TRIM41: variants seen among roughly 807,000 people sequenced by gnomAD.
TRIM41 encodes the protein E3 ubiquitin-protein ligase TRIM41.
In TRIM41, 21 loss-of-function variants were observed where a neutral mutation model predicts 60.6. That is an observed-to-expected ratio of 0.35 (90% CI 0.25 to 0.50). TRIM41 has a LOEUF of 0.50. Among genes scored for constraint, TRIM41 ranks in the 20% least tolerant of loss-of-function variants. The pLI is 0.98. For missense variants in TRIM41, 846 were observed against 868.3 expected, an observed-to-expected ratio of 0.97 and a Z score of 0.32; for synonymous variants, 407 against 344.9, an observed-to-expected ratio of 1.18 and a Z score of -2.00.
Position 181,223,601 on chromosome 5 carries a change from G to A in TRIM41, c.-399G>A. 2.2e-6 allele frequency: 1 copy of A among 459,356 alleles called. No individual in the cohort carries two copies. The highest frequency in any genetic ancestry group is 3.8e-6 in the Non-Finnish European group (1 of 261,132). The allele number at this position is 459,356 out of a possible 1,614,324, so 28.5% of individuals were successfully genotyped here. On this transcript the variant is annotated 5_prime_UTR_variant, in exon 1 of 6. Coordinates refer to ENST00000315073, the MANE Select transcript of TRIM41 (RefSeq NM_033549.5). ...CCGCGGGGAAAAAGGGGGAGTAGCA[G>A]GACAGCGGAGGGAAGTCGCGAGCTT...
chr5:181,234,266 G>A lies in TRIM41; in HGVS notation c.1384G>A (p.Val462Ile). ...GVRLAERRQE[V>I]ADHPKRFSAD... ...CCGCCTGGCAGAGCGGCGGCAGGAGGTTGCTGACCATCCCAAGCGCTTCTC... is the reference window on the plus strand; with the variant it reads ...CCGCCTGGCAGAGCGGCGGCAGGAGATTGCTGACCATCCCAAGCGCTTCTC... Residue 462 changes from valine to isoleucine, a missense_variant, in exon 6 of 6, where the codon GTT becomes ATT. By Grantham distance (29) the Val-to-Ile change is conservative. Coordinates refer to ENST00000315073, the MANE Select transcript of TRIM41 (RefSeq NM_033549.5). The surrounding 1 kb of genome is among the most constrained non-coding windows in gnomAD (Gnocchi z 5.6). 6.2e-7 allele frequency: 1 copy of A among 1,613,120 alleles called. No homozygotes were observed. Among genetic ancestry groups the A allele is most frequent in the Non-Finnish European group, 8.5e-7 (1 of 1,179,924 alleles).
In TRIM41 at chr5:181,234,233, C is replaced by T. The variant is rs772110248; in HGVS notation, c.1351C>T (p.Arg451Trp). ...GGCCCTGATGCTGTCCCCTGACCGC[C>T]GGGGGGTCCGCCTGGCAGAGCGGCG... ...HPALMLSPDRRGVRLAERRQE... is the reference protein window; with the variant it reads ...HPALMLSPDRWGVRLAERRQE... Residue 451 changes from arginine (R) to tryptophan (W), a missense_variant, in exon 6 of 6, where the codon CGG becomes TGG. Physicochemically the swap from Arg to Trp is moderately radical, Grantham distance 101. Transcript: ENST00000315073. This position sits in a 1 kb window ranked among gnomAD's most constrained non-coding sequence, Gnocchi z 5.6. The T allele has an allele frequency of 1.6e-5, 26 of 1,613,246 alleles. No homozygotes were observed. The highest frequency in any genetic ancestry group is 2.2e-5 in the East Asian group (1 of 44,896).
rs1360321153 is a variant in TRIM41 at position 181,234,698 on chromosome 5, G to A, written c.1816G>A (p.Ala606Thr). 1.9e-6 allele frequency: 3 copies of A among 1,614,206 alleles called. No individual in the cohort carries two copies. Among genetic ancestry groups the A allele is most frequent in the Non-Finnish European group, 2.5e-6 (3 of 1,180,036 alleles). ...TCTAGCCCACGTGCACACCTTCTCG[G>A]CTGCCTTCCTGGGCGAGCGTGTCTT... ...ETLAHVHTFS[A>T]AFLGERVFPF... The change falls in exon 6 of 6, where the codon GCT (alanine) becomes ACT (threonine). Residue 606 changes from alanine to threonine, a missense_variant. Physicochemically the swap from Ala to Thr is moderately conservative, Grantham distance 58. Coordinates refer to ENST00000315073, the MANE Select transcript of TRIM41 (RefSeq NM_033549.5). The surrounding 1 kb of genome is among the most constrained non-coding windows in gnomAD (Gnocchi z 5.6).
Position 181,234,034 on chromosome 5 carries a change from C to A in TRIM41, c.1292-140C>A. 1 of 1,436,922 alleles carries A rather than the reference C, an allele frequency of 7.0e-7. No homozygotes were observed. Among genetic ancestry groups the A allele is most frequent in the Non-Finnish European group, 9.6e-7 (1 of 1,044,292 alleles). The allele number at this position is 1,436,922 out of a possible 1,614,324, so 89.0% of individuals were successfully genotyped here. A position where few individuals can be genotyped will look rare whatever the true frequency, so the allele number is the denominator to read the frequency against. On this transcript the variant is annotated intron_variant, in intron 5 of 5. Transcript: ENST00000315073. The surrounding 1 kb of genome is among the most constrained non-coding windows in gnomAD (Gnocchi z 5.6). ...AACAAGAGTGAGGAGCAAGATGAGCCTGCAGGAATCTGAGGCTGGCCTCTG... is the reference window on the plus strand; with the variant it reads ...AACAAGAGTGAGGAGCAAGATGAGCATGCAGGAATCTGAGGCTGGCCTCTG...
At chr5:181,230,549 G>A (rs903858535) in intron 1 of TRIM41, 195 bp from the exon 2 acceptor site, 7 of 352,272 alleles carry the variant, frequency 2.0e-5, no homozygotes, top group African/African-American at 1.1e-4. Context: ...TTCTGCAGAC[G>A]TGCACAGAGG....
intron 1 of TRIM41, chr5:181,230,515 A>AAAAAAAAAC (rs1758748435): frequency 4.2e-6 from 1 of 239,994 alleles, no homozygotes. Flanking sequence ...AAAAAAAAAA[A>AAAAAAAAAC]AAAAAAAAAA....
At position 181,233,633 on chromosome 5, in the gene TRIM41, C is replaced by T. The variant is rs1183750518; in HGVS notation, c.1164-3C>T. Reference sequence around the variant, plus strand: ...CACCCCCTGCCCGGTCCCCTTCCTCCAGGTGTGAAGAGGTACAGCTGCAGC... The same window carrying T: ...CACCCCCTGCCCGGTCCCCTTCCTCTAGGTGTGAAGAGGTACAGCTGCAGC... On this transcript the variant is annotated splice_region_variant and splice_polypyrimidine_tract_variant and intron_variant, in intron 4 of 5. Transcript: ENST00000315073. The surrounding 1 kb of genome is among the most constrained non-coding windows in gnomAD (Gnocchi z 4.1). 2 of 1,613,874 alleles carry T rather than the reference C, an allele frequency of 1.2e-6. No homozygotes were observed. Among genetic ancestry groups the T allele is most frequent in the African/African-American group, 2.7e-5 (2 of 74,910 alleles).
At chr5:181,231,000 C>T (rs2113173029) in intron 2 of TRIM41, 161 bp downstream of exon 2, 2 of 568,118 alleles carry the variant, frequency 3.5e-6, no homozygotes, top group Non-Finnish European at 6.5e-6. Flanking sequence ...AGAGCGGGGC[C>T]TTAGAGAATC....
At chr5:181,231,358 C>A (rs1582278544) in intron 2 of TRIM41, 1 of 152,242 alleles carries the variant, frequency 6.6e-6, no homozygotes, top group African/African-American at 2.5e-5. Context: ...ACCCCGACCC[C>A]CCCGCTTTTT....
In TRIM41 at chr5:181,234,646, G is replaced by A. The variant is rs775613344; in HGVS notation, c.1764G>A (p.Gly588=). 3 of 1,614,256 alleles carry A rather than the reference G, an allele frequency of 1.9e-6. No individual in the cohort carries two copies. The highest frequency in any genetic ancestry group is 2.5e-6 in the Non-Finnish European group (3 of 1,180,052). ...RFGVYLDYEA[G]RLGFYNAETL... ...GTGTGTACCTGGACTATGAAGCTGG[G>A]CGCCTGGGCTTCTACAACGCAGAGA... The change falls in exon 6 of 6, where the codon GGG becomes GGA. Residue 588 remains glycine (G), a synonymous_variant. Transcript: ENST00000315073. The surrounding 1 kb of genome is among the most constrained non-coding windows in gnomAD (Gnocchi z 5.6).
chr5:181,234,072 G>C lies in TRIM41; in HGVS notation c.1292-102G>C. 2 of 1,577,274 alleles carry C rather than the reference G, an allele frequency of 1.3e-6. No individual in the cohort carries two copies. The highest frequency in any genetic ancestry group is 1.7e-6 in the Non-Finnish European group (2 of 1,161,658). On this transcript the variant is annotated intron_variant, in intron 5 of 5. Coordinates refer to ENST00000315073, the MANE Select transcript of TRIM41 (RefSeq NM_033549.5). This position sits in a 1 kb window ranked among gnomAD's most constrained non-coding sequence, Gnocchi z 5.6. Reference sequence around the variant, plus strand: ...AGGCTGGCCTCTGGGATGGTGTGGGGAGCTGGATTCAGGGAGAAAGGGGGC... The same window carrying C: ...AGGCTGGCCTCTGGGATGGTGTGGGCAGCTGGATTCAGGGAGAAAGGGGGC...
intron 1 of TRIM41, chr5:181,228,970 A>C (rs1223671817): frequency 1.3e-5 from 2 of 151,444 alleles, no homozygotes; most frequent in East Asian, 3.9e-4. Context: ...AGTAAATGGT[A>C]AATTTAAGCG....
chr5:181,229,689 C>T (rs1561670692), intron 1 of TRIM41: 2 of 152,120 alleles, frequency 1.3e-5, no homozygotes, highest in Non-Finnish European at 1.5e-5. Context: ...GCAGGGACTC[C>T]GCAGTGTCCT....
In TRIM41 at chr5:181,224,251, C is replaced by G; in HGVS notation, c.252C>G (p.Thr84=). The change falls in exon 1 of 6, where the codon ACC becomes ACG. Residue 84 remains threonine, a synonymous_variant. Coordinates refer to ENST00000315073, the MANE Select transcript of TRIM41 (RefSeq NM_033549.5). ...TGGGGGCTGGCGCGGGGTGGGACAC[C>G]CCCATGCGGGATGAAGACTACGAGG... ...EAVGAGAGWD[T]PMRDEDYEGD... is the part of the protein sequence containing the mutation. 5.0e-6 allele frequency: 8 copies of G among 1,613,520 alleles called. No homozygotes were observed. Among genetic ancestry groups the G allele is most frequent in the Non-Finnish European group, 5.9e-6 (7 of 1,179,808 alleles).
In TRIM41 at chr5:181,224,325, C is replaced by T. The variant is rs766944024; in HGVS notation, c.326C>T (p.Thr109Ile). 1 of 1,613,540 alleles carries T rather than the reference C, an allele frequency of 6.2e-7. No homozygotes were observed. Among genetic ancestry groups the T allele is most frequent in the Admixed American group, 1.7e-5 (1 of 59,972 alleles). ...VEEEEEGVFWTSGMSRSSWDN... is the reference protein window; with the variant it reads ...VEEEEEGVFWISGMSRSSWDN... ...GAGGAAGAAGAGGGTGTGTTCTGGA[C>T]CAGTGGCATGAGCAGGTCCAGCTGG... The change falls in exon 1 of 6, where the codon ACC becomes ATC. Residue 109 changes from threonine (T) to isoleucine (I), a missense_variant. Coordinates refer to ENST00000315073, the MANE Select transcript of TRIM41 (RefSeq NM_033549.5).
chr5:181,228,463 C>T (rs1422661819), intron 1 of TRIM41: 1 of 139,024 alleles, frequency 7.2e-6, no homozygotes, highest in Non-Finnish European at 1.5e-5. Context: ...GAGGCTGGGG[C>T]AAGAGAATCG....
At chr5:181,228,954 A>AC (rs1408709651) in intron 1 of TRIM41, 40 of 151,960 alleles carry the variant, frequency 2.6e-4, no homozygotes, top group Non-Finnish European at 5.1e-4. Context: ...AAAAAAAAAA[A>AC]AAAACAGTAA....
In TRIM41 at chr5:181,234,751, C is replaced by A; in HGVS notation, c.1869C>A (p.Gly623=). 1.2e-6 allele frequency: 2 copies of A among 1,612,988 alleles called. No homozygotes were observed. The highest frequency in any genetic ancestry group is 2.2e-5 in the East Asian group (1 of 44,866). ...CTTTCTTCCGGGTGCTCTCCAAGGG[C>A]ACCCGCATCAAGCTCTGCCCTTGAT... ...VFPFFRVLSK[G]TRIKLCP Residue 623 remains glycine, a synonymous_variant, in exon 6 of 6, where the codon GGC becomes GGA. Transcript: ENST00000315073. The surrounding 1 kb of genome is among the most constrained non-coding windows in gnomAD (Gnocchi z 5.6).
In TRIM41 at chr5:181,224,201, G is replaced by C. The variant is rs1321790631; in HGVS notation, c.202G>C (p.Gly68Arg). The C allele has an allele frequency of 6.2e-7, 1 of 1,613,676 alleles. No individual in the cohort carries two copies. The highest frequency in any genetic ancestry group is 2.2e-5 in the East Asian group (1 of 44,832). Reference sequence around the variant, plus strand: ...AGATCGGGAGGAGGAGGAGGAGGACGGAGAGGAGGAGGAAGTGGAGGCTGT... The same window carrying C: ...AGATCGGGAGGAGGAGGAGGAGGACCGAGAGGAGGAGGAAGTGGAGGCTGT... ...ELDREEEEED[G>R]EEEEVEAVGA... Residue 68 changes from glycine (G) to arginine (R), a missense_variant, in exon 1 of 6, where the codon GGA (glycine) becomes CGA (arginine). Transcript: ENST00000315073.
Sources: gnomAD v4.1 joint callset for allele counts on GRCh38, gnomAD v4.1.1 for gene constraint, Gnocchi (gnomAD v3.1) non-coding constraint, MANE v1.5 for transcripts, NCBI Gene and HGNC (gene_info 2026-07-23, HGNC 2026-07-21) for gene names.